Variants in CTNNA2 observed in about 807,000 individuals in gnomAD.
The protein encoded by CTNNA2 is catenin alpha-2.
CTNNA2 carries 42 observed loss-of-function variants against 101.0 expected under a neutral mutation model. That is an observed-to-expected ratio of 0.42 (90% CI 0.32 to 0.54). The LOEUF is 0.54. Ranked by LOEUF, CTNNA2 falls within the 20% of genes least tolerant of loss-of-function variation. The probability of loss-of-function intolerance (pLI) is 0.14; values close to 1 mark genes in which losing one functional copy is unlikely to be tolerated. For missense variants in CTNNA2, 871 were observed against 1,223.1 expected, an observed-to-expected ratio of 0.71 and a Z score of 4.29; for synonymous variants, 450 against 456.4, an observed-to-expected ratio of 0.99 and a Z score of 0.18.
chr2:79,875,687 TAC>T (rs1682967601), intron 6 of CTNNA2, among the ~76,000 whole-genome samples: 1 of 152,178 alleles, frequency 6.6e-6, no homozygotes, highest in Admixed American at 6.5e-5. Context: ...CCCATATTTT[TAC>T]AGTTAGTTAT....
intron 4 of CTNNA2, among the ~76,000 whole-genome samples, chr2:79,497,137 G>A (rs765727375): frequency 6.6e-6 from 1 of 152,128 alleles, no homozygotes; most frequent in East Asian, 1.9e-4. Flanking sequence ...TGGAAGCTCC[G>A]GCAATGCCAT....
chr2:79,246,927 C>T (rs1485793157), intron 2 of CTNNA2, among the ~76,000 whole-genome samples: 1 of 152,208 alleles, frequency 6.6e-6, no homozygotes, highest in Admixed American at 6.5e-5. Flanking sequence ...CATAGTTGGA[C>T]GTCTTAATTT....
rs545614803 is a variant in CTNNA2 at position 79,271,550 on chromosome 2, G to A, written c.-405-41159G>A. Among the ~76,000 whole-genome samples the A allele has an allele frequency of 3.9e-5, 6 of 152,202 alleles. No individual in the cohort carries two copies. In the South Asian group the frequency reaches 1.2e-3, roughly 32 times the overall value. ...CTTTTTGGTATGTGTGCATGGAGAG[G>A]CAGGCAGCTGGAGACAGTCTTTTTG... On this transcript the variant is annotated intron_variant, in intron 2 of 21. Transcript: ENST00000466387.
At chr2:80,282,275 T>G (rs915258362) in intron 7 of CTNNA2, among the ~76,000 whole-genome samples, 3 of 110,628 alleles carry the variant, frequency 2.7e-5, no homozygotes, top group African/African-American at 9.1e-5. Context: ...TATTTGCTGT[T>G]TTTTTTTTAA....
intron 7 of CTNNA2, among the ~76,000 whole-genome samples, chr2:80,024,976 A>T (rs895350084): frequency 2.6e-5 from 4 of 152,168 alleles, no homozygotes; most frequent in African/African-American, 9.7e-5. Context: ...GGGGAGCTGG[A>T]AGGGGCAAGG....
chr2:79,257,369 G>T (rs1313823735), intron 2 of CTNNA2, among the ~76,000 whole-genome samples: 1 of 152,024 alleles, frequency 6.6e-6, no homozygotes, highest in Non-Finnish European at 1.5e-5. Context: ...TTGTTTGCTT[G>T]CTTGTTGGTT....
intron 3 of CTNNA2, among the ~76,000 whole-genome samples, chr2:79,358,233 C>G (rs941492320): frequency 1.3e-5 from 2 of 148,698 alleles, no homozygotes; most frequent in Non-Finnish European, 3.0e-5. Flanking sequence ...GAGTTTTGCT[C>G]TAGTCACCCA....
At chr2:79,247,147 G>A (rs1674710721) in intron 2 of CTNNA2, among the ~76,000 whole-genome samples, 1 of 152,186 alleles carries the variant, frequency 6.6e-6, no homozygotes, top group Admixed American at 6.5e-5. Context: ...TGTAGACAAG[G>A]AGTCGTAAGA....
chr2:79,256,589 G>T (rs910227115), intron 2 of CTNNA2, among the ~76,000 whole-genome samples: 1 of 152,172 alleles, frequency 6.6e-6, no homozygotes, highest in South Asian at 2.1e-4. Context: ...GAATGCACAC[G>T]TTATGACCCA....
intron 3 of CTNNA2, among the ~76,000 whole-genome samples, chr2:79,338,245 CA>C (rs59474388): frequency 1.5e-4 from 16 of 109,206 alleles, no homozygotes; most frequent in Non-Finnish European, 2.1e-4. Flanking sequence ...GACTCCATCT[CA>C]AAAAAAAAAA....
At chr2:79,905,060 T>C (rs903518564) in intron 6 of CTNNA2, among the ~76,000 whole-genome samples, 3 of 152,226 alleles carry the variant, frequency 2.0e-5, no homozygotes, top group African/African-American at 7.2e-5. Context: ...AGAATAGGAT[T>C]CTAGTCTTGT....
chr2:79,508,325 C>T (rs1243692523), upstream of CTNNA2, among the ~76,000 whole-genome samples: 9 of 152,106 alleles, frequency 5.9e-5, no homozygotes, highest in Non-Finnish European at 1.3e-4. Context: ...AAGACTGAAA[C>T]TATTCTTCCA....
intron 7 of CTNNA2, among the ~76,000 whole-genome samples, chr2:80,148,130 C>T (rs1399380613): frequency 6.6e-6 from 1 of 152,138 alleles, no homozygotes; most frequent in Non-Finnish European, 1.5e-5. Context: ...TCCTCCATTG[C>T]AAATATCTAA....
At chr2:79,825,622 A>G (rs1678377021) in intron 3 of CTNNA2, among the ~76,000 whole-genome samples, 1 of 152,126 alleles carries the variant, frequency 6.6e-6, no homozygotes, top group Non-Finnish European at 1.5e-5. Context: ...AAGAAGGCCT[A>G]TGACACTAAA....
At position 79,818,862 on chromosome 2, in the gene CTNNA2, T is replaced by A. The variant is rs1285628888; in HGVS notation, c.299-39151T>A. On this transcript the variant is annotated intron_variant, in intron 3 of 18. Transcript: ENST00000402739. ...ATATATATATATGGATGTATGTGTA[T>A]CATATTAAGTAAACTCAAGCAAAGC... Among the ~76,000 whole-genome samples the A allele has an allele frequency of 3.0e-5, 4 of 131,348 alleles. No homozygotes were observed. In the East Asian group the frequency reaches 1.1e-3, roughly 37 times the overall value. 86.2% of individuals were successfully genotyped at this position (131,348 alleles called of 152,430 possible).
intron 14 of CTNNA2, among the ~76,000 whole-genome samples, chr2:80,584,127 C>G (rs1347802015): frequency 1.3e-5 from 2 of 152,074 alleles, no homozygotes; most frequent in East Asian, 3.9e-4. Context: ...GACTTTTGAC[C>G]AGCAAAGTGT....
chr2:79,582,022 G>C (rs544719622), intron 1 of CTNNA2, among the ~76,000 whole-genome samples: 2 of 152,310 alleles, frequency 1.3e-5, no homozygotes, highest in South Asian at 2.1e-4. Flanking sequence ...TACACAGACT[G>C]TAAGAAAACC....
At chr2:79,687,121 G>A (rs927748427) in intron 2 of CTNNA2, among the ~76,000 whole-genome samples, 2 of 152,122 alleles carry the variant, frequency 1.3e-5, no homozygotes, top group African/African-American at 2.4e-5. Flanking sequence ...CTCATAGACA[G>A]GCTTATGTGG....
At chr2:79,863,324 A>G (rs544743332) in intron 4 of CTNNA2, among the ~76,000 whole-genome samples, 1 of 152,304 alleles carries the variant, frequency 6.6e-6, no homozygotes, top group South Asian at 2.1e-4. Flanking sequence ...ACCATATTGT[A>G]TGGCTGCACA....
Sources: gnomAD v4.1 joint callset for allele counts (sites outside exome capture counted in the v4.1 genomes callset) on GRCh38, gnomAD v4.1.1 for gene constraint, MANE v1.5 for transcripts, NCBI Gene and HGNC (gene_info 2026-07-23, HGNC 2026-07-21) for gene names.